VSIG1: variants seen among roughly 807,000 people sequenced by gnomAD.
VSIG1 encodes V-set and immunoglobulin domain-containing protein 1.
VSIG1 carries 11 observed loss-of-function variants against 20.1 expected under a neutral mutation model. That is an observed-to-expected ratio of 0.55 (90% CI 0.34 to 0.91). VSIG1 has a LOEUF of 0.91. VSIG1 is among the 40% of genes least tolerant of loss of function. The pLI, the probability that VSIG1 is intolerant of heterozygous loss-of-function variation, is 0.02. For synonymous variants in VSIG1, 126 were observed against 116.7 expected (o/e 1.08, Z -0.52); for missense variants, 283 against 298.8 (o/e 0.95, Z 0.39).
chrX:108,057,732 G>A (rs950379489), intron 1 of VSIG1, among the ~76,000 whole-genome samples: 18 of 111,424 alleles, frequency 1.6e-4, no homozygotes, highest in Admixed American at 1.6e-3. Flanking sequence ...ACAGTTTTGG[G>A]TCCCTGGACA....
At chrX:108,053,166 CAG>C (rs1363698657) in intron 1 of VSIG1, among the ~76,000 whole-genome samples, 5 of 111,866 alleles carry the variant, frequency 4.5e-5, no homozygotes, top group Non-Finnish European at 7.5e-5. Context: ...TTTCTTCAAA[CAG>C]AGAATAAATG....
At chrX:108,061,560 C>T (rs1420050035) in intron 2 of VSIG1, 1 of 1,111,309 alleles carries the variant, frequency 9.0e-7, no homozygotes, top group Non-Finnish European at 1.2e-6. Flanking sequence ...TGGTGTACTA[C>T]TGGACTTCTT....
intron 3 of VSIG1, among the ~76,000 whole-genome samples, chrX:108,068,496 A>C (rs765410516): frequency 8.9e-6 from 1 of 111,737 alleles, no homozygotes; most frequent in Non-Finnish European, 1.9e-5. Flanking sequence ...CTTCTTGGGA[A>C]GCCTCAGGAA....
At chrX:108,068,312 C>A (rs771466333) in intron 3 of VSIG1, among the ~76,000 whole-genome samples, 1 of 111,935 alleles carries the variant, frequency 8.9e-6, no homozygotes, top group Admixed American at 9.4e-5. Context: ...CAGGAACAGA[C>A]AAGAGAAGTA....
At chrX:108,049,974 G>A (rs1023598691) in intron 1 of VSIG1, among the ~76,000 whole-genome samples, 1 of 112,058 alleles carries the variant, frequency 8.9e-6, no homozygotes. Flanking sequence ...ATATTGGGAA[G>A]AGGGAAACTG....
chrX:108,067,064 C>T lies in VSIG1; in HGVS notation c.342C>T (p.Tyr114=). Residue 114 remains tyrosine, a synonymous_variant, in exon 3 of 7, where the codon TAC becomes TAT. Transcript: ENST00000217957. ...TGCAGCCAGCAGACAGTGGAATTTA[C>T]ATCTGCGATGTTAACAACCCCCCAG... ...SHMQPADSGI[Y]ICDVNNPPDF... The T allele has an allele frequency of 8.3e-7, 1 of 1,211,614 alleles. No homozygotes were observed. Among genetic ancestry groups the T allele is most frequent in the Non-Finnish European group, 1.1e-6 (1 of 895,415 alleles).
At chrX:108,047,823 T>TATATATACATATATATATAC in intron 1 of VSIG1, among the ~76,000 whole-genome samples, 1 of 60,752 alleles carries the variant, frequency 1.6e-5, no homozygotes, top group African/African-American at 7.2e-5. Flanking sequence ...TATATATACA[T>TATATATACATATATATATAC]ATATATACAC....
At chrX:108,074,950 G>T (rs1033879783) in intron 5 of VSIG1, among the ~76,000 whole-genome samples, 3 of 111,675 alleles carry the variant, frequency 2.7e-5, no homozygotes, top group East Asian at 5.6e-4. Flanking sequence ...TGGAAATTTC[G>T]GGATGAGTGA....
In VSIG1 at chrX:108,067,139, G is replaced by A. The variant is rs761498304; in HGVS notation, c.412+5G>A. On this transcript the variant is annotated splice_donor_5th_base_variant and intron_variant, in intron 3 of 6. Transcript: ENST00000217957. ...TCCTCAACGTCAGTGTGTTAGGTATGAGCACTTTTTTCTGCTTTTTCTTTT... is the reference window on the plus strand; with the variant it reads ...TCCTCAACGTCAGTGTGTTAGGTATAAGCACTTTTTTCTGCTTTTTCTTTT... 3 of 1,208,908 alleles carry A rather than the reference G, an allele frequency of 2.5e-6. No individual in the cohort carries two copies. The highest frequency in any genetic ancestry group is 2.2e-6 in the Non-Finnish European group (2 of 894,622).
chrX:108,038,087 C>CT, the VSIG1 span, among the ~76,000 whole-genome samples: 3 of 111,144 alleles, frequency 2.7e-5, no homozygotes, highest in African/African-American at 9.8e-5. Context: ...TTTCATCTTT[C>CT]TTTTTTTTAT....
chrX:108,047,799 T>TATATATACATATATATAC (rs1555980243), intron 1 of VSIG1, among the ~76,000 whole-genome samples: 1 of 68,561 alleles, frequency 1.5e-5, no homozygotes, highest in Non-Finnish European at 2.6e-5. Context: ...TCTATATATA[T>TATATATACATATATATAC]ATATATATAC....
At chrX:108,037,764 A>C in the VSIG1 span, among the ~76,000 whole-genome samples, 1 of 112,785 alleles carries the variant, frequency 8.9e-6, no homozygotes, top group Non-Finnish European at 1.9e-5. Context: ...GCACAGTTCT[A>C]TGCCCTCGGG....
chrX:108,034,438 G>A, the VSIG1 span, among the ~76,000 whole-genome samples: 4 of 111,937 alleles, frequency 3.6e-5, no homozygotes, highest in African/African-American at 1.3e-4. Flanking sequence ...GGGATTGTGG[G>A]AGCTGGCAGC....
the VSIG1 span, among the ~76,000 whole-genome samples, chrX:108,036,782 A>G: frequency 8.9e-6 from 1 of 112,036 alleles, no homozygotes; most frequent in African/African-American, 3.2e-5. Flanking sequence ...AGGCCTCTGG[A>G]GGACTCCCAG....
chrX:108,061,226 T>C (rs1438447474), intron 2 of VSIG1, among the ~76,000 whole-genome samples: 2 of 112,737 alleles, frequency 1.8e-5, no homozygotes, highest in East Asian at 2.8e-4. Flanking sequence ...ATGTTGTATG[T>C]TAATCTAGGG....
chrX:108,031,932 T>G, the VSIG1 span, among the ~76,000 whole-genome samples: 1 of 112,239 alleles, frequency 8.9e-6, no homozygotes, highest in Non-Finnish European at 1.9e-5. Flanking sequence ...TTTCCAGCCT[T>G]GCTTCTACCA....
the VSIG1 span, among the ~76,000 whole-genome samples, chrX:108,022,081 T>C: frequency 8.9e-6 from 1 of 112,043 alleles, no homozygotes; most frequent in African/African-American, 3.2e-5. Flanking sequence ...TGTCGATTTC[T>C]CTAAAAAAGG....
intron 2 of VSIG1, among the ~76,000 whole-genome samples, chrX:108,066,691 G>A (rs1368480357): frequency 2.7e-5 from 3 of 111,738 alleles, no homozygotes; most frequent in African/African-American, 9.8e-5. Flanking sequence ...CTCCTCCTCT[G>A]TAAGATAGGC....
Position 108,077,685 on chromosome X carries a change from A to C in VSIG1, c.*304A>C. ...AGTACCTGTGTTGTTATTTCAGAAA[A>C]TATTATTTCTCTCTTTTTAACTACT... On this transcript the variant is annotated 3_prime_UTR_variant, in exon 7 of 7. Coordinates refer to ENST00000217957, the MANE Select transcript of VSIG1 (RefSeq NM_182607.5). The C allele has an allele frequency of 3.8e-6, 1 of 264,349 alleles. No homozygotes were observed. The highest frequency in any genetic ancestry group is 6.1e-5 in the East Asian group (1 of 16,290). The allele number at this position is 264,349 out of a possible 1,213,427, so 21.8% of individuals were successfully genotyped here.
Sources: allele counts gnomAD v4.1 joint callset (sites outside exome capture counted in the v4.1 genomes callset), GRCh38; gene constraint gnomAD v4.1.1; transcripts MANE v1.5; gene names NCBI Gene and HGNC (gene_info 2026-07-23, HGNC 2026-07-21).